SIGLEC1: variants seen among roughly 807,000 people sequenced by gnomAD.
SIGLEC1 encodes the protein sialic acid binding Ig like lectin 1.
SIGLEC1 carries 132 observed loss-of-function variants against 148.0 expected under a neutral mutation model. That is an observed-to-expected ratio of 0.89 (90% confidence interval 0.77 to 1.03). SIGLEC1 has a LOEUF of 1.03. SIGLEC1 is among the 50% of genes least tolerant of loss of function. SIGLEC1 has a pLI of 0.00. For missense variants in SIGLEC1, 2,253 were observed against 2,271.4 expected (o/e 0.99, Z 0.16); for synonymous variants, 945 against 969.0 (o/e 0.98, Z 0.46).
chr20:3,689,952 CT>C lies in SIGLEC1; in HGVS notation c.4894+9del. On this transcript the variant is annotated intron_variant, in intron 19 of 21. Coordinates refer to ENST00000344754, the MANE Select transcript of SIGLEC1 (RefSeq NM_023068.4). ...AGAGTGGCCTGGGAGATGGAGCCCC[CT>C]CCCCTCACCTCTGACCCCAAAGTAG... 1 of 1,606,614 alleles carries C rather than the reference CT, an allele frequency of 6.2e-7. No homozygotes were observed. Among genetic ancestry groups the C allele is most frequent in the Non-Finnish European group, 8.5e-7 (1 of 1,175,956 alleles).
rs542495867 is a variant in SIGLEC1, at chr20:3,708,027, G to A, written c.-109-790C>T. On this transcript the variant is annotated intron_variant, in intron 1 of 21. Coordinates refer to ENST00000344754, the MANE Select transcript of SIGLEC1 (RefSeq NM_023068.4). ...AGCCCATTTCTCAGGACCTAGAACT[G>A]AAGATATGTGCCCCATAGCAGTGCG... 3.9e-5 allele frequency among the ~76,000 whole-genome samples: 6 copies of A among 152,338 alleles called. 1 individual carries two copies. In the South Asian group the frequency reaches 1.2e-3, roughly 32 times the overall value.
chr20:3,706,538 G>A lies in SIGLEC1; in HGVS notation c.218C>T (p.Ser73Leu), dbSNP rs138105591. Residue 73 changes from serine (S) to leucine (L), a missense_variant, in exon 3 of 22, where the codon TCG becomes TTG. Physicochemically the swap from Ser to Leu is moderately radical, Grantham distance 145 (BLOSUM62 -2). Coordinates refer to ENST00000344754, the MANE Select transcript of SIGLEC1 (RefSeq NM_023068.4). Reference protein sequence around the residue: ...YSGQRQVVSHSADPKLVEARF... With the variant: ...YSGQRQVVSHLADPKLVEARF... ...GGCCTCCACCAGCTTGGGGTCCGCC[G>A]AGTGGCTCACCACCTGCCGCTGGCC... is the stretch of plus-strand genomic sequence containing the variant. 6.8e-5 allele frequency: 109 copies of A among 1,612,776 alleles called. No homozygotes were observed. The highest frequency in any genetic ancestry group is 5.5e-4 in the South Asian group (50 of 91,070).
chr20:3,697,688 G>A, intron 9 of SIGLEC1, 110 bp downstream of exon 9: 2 of 971,702 alleles, frequency 2.1e-6, no homozygotes, highest in South Asian at 2.9e-5. Flanking sequence ...GGCAGCGAAG[G>A]GCCCCCACTG....
intron 15 of SIGLEC1, 39 bp from the exon 16 acceptor site, chr20:3,692,811 A>T (rs761852696): frequency 6.2e-7 from 1 of 1,601,152 alleles, no homozygotes; most frequent in African/African-American, 1.3e-5. Context: ...GCCCAGCCGG[A>T]CACCACAGTG....
At chr20:3,699,571 G>A in intron 7 of SIGLEC1, 112 bp from the exon 8 acceptor site, 1 of 1,363,610 alleles carries the variant, frequency 7.3e-7, no homozygotes, top group Non-Finnish European at 9.9e-7. Flanking sequence ...AGGTAGCTCT[G>A]GGCTTTGTGG....
intron 7 of SIGLEC1, 54 bp from the exon 8 acceptor site, chr20:3,699,513 G>A: frequency 6.4e-7 from 1 of 1,557,012 alleles, no homozygotes; most frequent in Non-Finnish European, 8.7e-7. Context: ...CCCACATGCT[G>A]CCCTATATAG....
Position 3,689,716 on chromosome 20 carries a change from C to T in SIGLEC1, c.4895-14G>A, listed in dbSNP as rs1476999848. The T allele has an allele frequency of 1.7e-5, 27 of 1,559,848 alleles. No homozygotes were observed. Among genetic ancestry groups the T allele is most frequent in the Admixed American group, 9.5e-5 (5 of 52,438 alleles). On this transcript the variant is annotated splice_polypyrimidine_tract_variant and intron_variant, in intron 19 of 21. Coordinates refer to ENST00000344754, the MANE Select transcript of SIGLEC1 (RefSeq NM_023068.4). ...GGCGGTGCAGGGCTGGAACACAGAG[C>T]GGGACTCAGAGCAGCCACAGCTGCA...
At chr20:3,703,661 G>A (rs1415029146) in intron 5 of SIGLEC1, among the ~76,000 whole-genome samples, 164 bp downstream of exon 5, 9 of 152,190 alleles carry the variant, frequency 5.9e-5, no homozygotes, top group Admixed American at 4.6e-4. Flanking sequence ...TGGGGGTATT[G>A]TCACCTGTCT....
chr20:3,692,291 C>T, intron 16 of SIGLEC1, 89 bp from the exon 17 acceptor site: 1 of 1,357,096 alleles, frequency 7.4e-7, no homozygotes, highest in South Asian at 1.5e-5. Flanking sequence ...CAGGCTGAGG[C>T]CTCTGGACCA....
At chr20:3,690,814 C>T (rs988743380) in intron 18 of SIGLEC1, among the ~76,000 whole-genome samples, 2 of 145,148 alleles carry the variant, frequency 1.4e-5, no homozygotes, top group Non-Finnish European at 3.0e-5. Flanking sequence ...TTGGTTTTTT[C>T]TCTTCTTTTC....
At chr20:3,700,678 A>G (rs369909827) in intron 7 of SIGLEC1, among the ~76,000 whole-genome samples, 1 of 144,370 alleles carries the variant, frequency 6.9e-6, no homozygotes, top group East Asian at 2.1e-4. Flanking sequence ...GGAAGACCGT[A>G]CTTTTCTTTT....
Position 3,706,691 on chromosome 20 carries a change from C to T in SIGLEC1, c.65G>A (p.Gly22Asp), listed in dbSNP as rs1337345480. The part of the protein sequence containing the change: ...SFFPAGQASW[G>D]VSSPQDVQGV... ...CTGCACGTCCTGGGGACTGGAGACG[C>T]CCCATGAGGCCTGGCCTGGGGGAAG... The change falls in exon 3 of 22, where the codon GGC becomes GAC. Residue 22 changes from glycine (G) to aspartate (D), a missense_variant. Gly to Asp is a moderately conservative substitution (Grantham distance 94, BLOSUM62 -1). Transcript: ENST00000344754. 12 of 1,545,776 alleles carry T rather than the reference C, an allele frequency of 7.8e-6. No individual in the cohort carries two copies. Among genetic ancestry groups the T allele is most frequent in the Middle Eastern group, 1.7e-4 (1 of 5,962 alleles).
chr20:3,693,852 T>C (rs2088792546), intron 13 of SIGLEC1, among the ~76,000 whole-genome samples, 154 bp from the exon 14 acceptor site: 1 of 152,036 alleles, frequency 6.6e-6, no homozygotes, highest in Admixed American at 6.6e-5. Flanking sequence ...GGCTTAGAAG[T>C]CAAGCTTGGG....
chr20:3,697,770 C>T (rs754037929), intron 9 of SIGLEC1, 28 bp downstream of exon 9: 1 of 1,604,360 alleles, frequency 6.2e-7, no homozygotes, highest in South Asian at 1.1e-5. Flanking sequence ...CCCCTGCCCC[C>T]AGGCCACCCA....
Position 3,693,524 on chromosome 20 carries a change from G to A in SIGLEC1, c.3431C>T (p.Ala1144Val), listed in dbSNP as rs2088787978. 9.9e-6 allele frequency: 16 copies of A among 1,611,474 alleles called. No individual in the cohort carries two copies. Among genetic ancestry groups the A allele is most frequent in the Non-Finnish European group, 1.3e-5 (15 of 1,178,908 alleles). The stretch of plus-strand genomic sequence containing the variant: ...GCCCACACCGCAGCGGTAGGAGGTG[G>A]CATCCCTGACTGTGACGTTGGGCAG... ...IPLPNVTVRDATSYRCGVGPP... is the reference protein window; with the variant it reads ...IPLPNVTVRDVTSYRCGVGPP... Residue 1144 changes from alanine to valine, a missense_variant, in exon 14 of 22, where the codon GCC becomes GTC. By Grantham distance (64) the Ala-to-Val change is moderately conservative. Coordinates refer to ENST00000344754, the MANE Select transcript of SIGLEC1 (RefSeq NM_023068.4).
In SIGLEC1 at chr20:3,691,440, G is replaced by A. The variant is rs2088761015; in HGVS notation, c.4491C>T (p.Ala1497=). ...CTTGAGCACGAGCCACGTGGGTGAA[G>A]GCGAGAGTGGGCACAGGCTCCGCGT... The part of the protein sequence containing the change: ...RLHAEPVPTL[A]FTHVARAQAG... Residue 1497 remains alanine (A), a synonymous_variant, in exon 18 of 22, where the codon GCC becomes GCT. Coordinates refer to ENST00000344754, the MANE Select transcript of SIGLEC1 (RefSeq NM_023068.4). The A allele has an allele frequency of 6.2e-7, 1 of 1,613,302 alleles. No individual in the cohort carries two copies. The highest frequency in any genetic ancestry group is 8.5e-7 in the Non-Finnish European group (1 of 1,180,008).
Position 3,703,424 on chromosome 20 carries a change from C to T in SIGLEC1, c.1001G>A (p.Gly334Asp). The T allele has an allele frequency of 6.3e-7, 1 of 1,585,232 alleles. No homozygotes were observed. Among genetic ancestry groups the T allele is most frequent in the Non-Finnish European group, 8.6e-7 (1 of 1,164,028 alleles). The change falls in exon 6 of 22, where the codon GGT (glycine) becomes GAT (aspartate). Residue 334 changes from glycine to aspartate, a missense_variant. By Grantham distance (94) the Gly-to-Asp change is moderately conservative. Transcript: ENST00000344754. ...FMAEVQVSPA[G>D]PILENQTVTL... is the part of the protein sequence containing the mutation. The stretch of plus-strand genomic sequence containing the variant: ...CACTGTCTGGTTCTCCAGGATGGGA[C>T]CTGCTGGGCTCACCTGGACCTCAGC...
intron 6 of SIGLEC1, chr20:3,702,914 G>GT (rs1474665118): frequency 2.2e-6 from 1 of 446,524 alleles, no homozygotes; most frequent in Non-Finnish European, 4.1e-6. Flanking sequence ...TTAAGCAAAT[G>GT]TGCCAAAATG....
In SIGLEC1 at chr20:3,690,253, TC is replaced by T. The variant is rs1384606924; in HGVS notation, c.4602del (p.Thr1535ArgfsTer4). 1 of 1,545,666 alleles carries T rather than the reference TC, an allele frequency of 6.5e-7. No homozygotes were observed. The highest frequency in any genetic ancestry group is 1.2e-5 in the South Asian group (1 of 83,860). ...TCCACGAAGACCATCATGGTGGGCG[TC>T]TTGGGAGGGTCTGTGGGGAGGAAGG... ...PVMLRVLYPP[K>X]TPTMMVFVEP... On this transcript the variant is annotated frameshift_variant, in exon 19 of 22. Transcript: ENST00000344754. LOFTEE classifies it high-confidence loss of function.
Sources: gnomAD v4.1 joint callset for allele counts (sites outside exome capture counted in the v4.1 genomes callset) on GRCh38, gnomAD v4.1.1 for gene constraint, MANE v1.5 for transcripts, NCBI Gene and HGNC (gene_info 2026-07-23, HGNC 2026-07-21) for gene names.